The following PCDHGA6 variants were observed in gnomAD, a reference collection of about 807,000 sequenced individuals.
PCDHGA6 encodes the protein protocadherin gamma-A6.
PCDHGA6 carries 41 observed loss-of-function variants against 60.6 expected under a neutral mutation model. The ratio of observed to expected loss-of-function variants is 0.68; its 90% confidence interval spans 0.53 to 0.88. The LOEUF (loss-of-function observed/expected upper bound fraction) is 0.88, where lower values mean the gene tolerates loss of function less well. PCDHGA6 is among the 40% of genes least tolerant of loss of function. The probability of loss-of-function intolerance (pLI) is 0.00; values close to 1 mark genes in which losing one functional copy is unlikely to be tolerated. For missense variants in PCDHGA6, 1,312 were observed against 1,203.0 expected (o/e 1.09, Z -1.34); for synonymous variants, 594 against 524.4 (o/e 1.13, Z -1.81).
At position 141,431,035 on chromosome 5, in the gene PCDHGA6, G is replaced by C; in HGVS notation, c.2424+54528G>C. The C allele has an allele frequency of 6.2e-7, 1 of 1,614,186 alleles. No individual in the cohort carries two copies. Among genetic ancestry groups the C allele is most frequent in the South Asian group, 1.1e-5 (1 of 91,086 alleles). ...TGGTCACGGCGGGCAGGATAGACCG[G>C]GAGGAGCTCTGTATGGGGGCCATCA... On this transcript the variant is annotated intron_variant, in intron 1 of 3. Transcript: ENST00000517434. The surrounding 1 kb of genome is among the most constrained non-coding windows in gnomAD (Gnocchi z 4.8).
chr5:141,464,377 T>A (rs1410334231), intron 1 of PCDHGA6, among the ~76,000 whole-genome samples: 3 of 151,486 alleles, frequency 2.0e-5, no homozygotes, highest in Admixed American at 2.0e-4. Flanking sequence ...TTTTGCAATA[T>A]AAAAAATGCT....
intron 1 of PCDHGA6, chr5:141,433,292 C>A: frequency 9.2e-7 from 1 of 1,082,526 alleles, no homozygotes; most frequent in South Asian, 1.6e-5. Context: ...CTCCTAGGCT[C>A]AAGCAATTAT....
At position 141,423,722 on chromosome 5, in the gene PCDHGA6, G is replaced by A. The variant is rs541297269; in HGVS notation, c.2424+47215G>A. Reference sequence around the variant, plus strand: ...CTTGGCACAAGTCTTTTAAGGAGATGTTTTTTGAGCCTGTTATGAAAACTG... The same window carrying A: ...CTTGGCACAAGTCTTTTAAGGAGATATTTTTTGAGCCTGTTATGAAAACTG... On this transcript the variant is annotated intron_variant, in intron 1 of 3. Coordinates refer to ENST00000517434, the MANE Select transcript of PCDHGA6 (RefSeq NM_018919.3). 5 of 954,184 alleles carry A rather than the reference G, an allele frequency of 5.2e-6. No individual in the cohort carries two copies. In the African/African-American group the frequency reaches 6.3e-5, roughly 12 times the overall value. The allele number at this position is 954,184 out of a possible 1,614,324, so 59.1% of individuals were successfully genotyped here.
chr5:141,469,753 T>C (rs564585597), intron 1 of PCDHGA6, among the ~76,000 whole-genome samples: 1 of 152,322 alleles, frequency 6.6e-6, no homozygotes, highest in East Asian at 1.9e-4. Flanking sequence ...ATTACAAAAA[T>C]ACATATATAC....
chr5:141,376,066 C>A lies in PCDHGA6; in HGVS notation c.1983C>A (p.Thr661=). The stretch of plus-strand genomic sequence containing the variant: ...CTCTCTCCGCCACTGTCACGCTCAC[C>A]GTGGCCGTGGCCGACAGGATCCCCG... The part of the protein sequence containing the change: ...QPPLSATVTL[T]VAVADRIPDI... The change falls in exon 1 of 4, where the codon ACC becomes ACA. Residue 661 remains threonine, a synonymous_variant. Coordinates refer to ENST00000517434, the MANE Select transcript of PCDHGA6 (RefSeq NM_018919.3). 1 of 1,613,396 alleles carries A rather than the reference C, an allele frequency of 6.2e-7. No individual in the cohort carries two copies. Among genetic ancestry groups the A allele is most frequent in the Non-Finnish European group, 8.5e-7 (1 of 1,179,888 alleles).
chr5:141,485,625 G>A lies in PCDHGA6; in HGVS notation c.2425-9182G>A, dbSNP rs1458191111. On this transcript the variant is annotated intron_variant, in intron 1 of 3. Coordinates refer to ENST00000517434, the MANE Select transcript of PCDHGA6 (RefSeq NM_018919.3). This position sits in a 1 kb window ranked among gnomAD's most constrained non-coding sequence, Gnocchi z 5.7. ...GGGGAGGCAGCTCCTCCAGGACAGC[G>A]TTTCCCGTTGGAAAAGGCTCAGGAT... is the stretch of plus-strand genomic sequence containing the variant. The A allele has an allele frequency of 1.2e-6, 2 of 1,611,968 alleles. No homozygotes were observed. The highest frequency in any genetic ancestry group is 3.3e-5 in the Admixed American group (2 of 59,916).
Position 141,497,143 on chromosome 5 carries a change from G to GA in PCDHGA6, c.2483+2287dup, listed in dbSNP as rs928640875. ...AGAGGTTGCAGTGAGCTGAGATCAC[G>GA]AAAAAAAAATAATCTAGCCACAAAT... On this transcript the variant is annotated intron_variant, in intron 2 of 3. Coordinates refer to ENST00000517434, the MANE Select transcript of PCDHGA6 (RefSeq NM_018919.3). 1.3e-3 allele frequency among the ~76,000 whole-genome samples: 194 copies of GA among 150,104 alleles called. 4 individuals are homozygous for GA. The highest frequency in any genetic ancestry group is 7.6e-3 in the Admixed American group (115 of 15,100).
At position 141,485,430 on chromosome 5, in the gene PCDHGA6, T is replaced by C; in HGVS notation, c.2425-9377T>C. The C allele has an allele frequency of 6.2e-7, 1 of 1,614,138 alleles. No individual in the cohort carries two copies. Among genetic ancestry groups the C allele is most frequent in the Non-Finnish European group, 8.5e-7 (1 of 1,180,022 alleles). On this transcript the variant is annotated intron_variant, in intron 1 of 3. Transcript: ENST00000517434. The surrounding 1 kb of genome is among the most constrained non-coding windows in gnomAD (Gnocchi z 5.7). ...GATTTGGACAGCGGAGCCCTGCTCA[T>C]CAAGAACCCAATCGACCGAGAGGCA... is the stretch of plus-strand genomic sequence containing the variant.
chr5:141,511,373 G>T lies in PCDHGA6; in HGVS notation c.*200G>T. On this transcript the variant is annotated 3_prime_UTR_variant, in exon 4 of 4. Transcript: ENST00000517434. ...CCCCCAGGGGGTTGAATATGCAAAA[G>T]CAGTTCCGCTGGGAACCCCCATCCA... 8.0e-7 allele frequency: 1 copy of T among 1,251,332 alleles called. No homozygotes were observed. The highest frequency in any genetic ancestry group is 1.6e-5 in the South Asian group (1 of 63,796). The allele number at this position is 1,251,332 out of a possible 1,614,324, so 77.5% of individuals were successfully genotyped here.
rs375080564 is a variant in PCDHGA6 at position 141,486,676 on chromosome 5, T to C, written c.2425-8131T>C. On this transcript the variant is annotated intron_variant, in intron 1 of 3. Transcript: ENST00000517434. The surrounding 1 kb of genome is among the most constrained non-coding windows in gnomAD (Gnocchi z 5.0). ...CACTCCTGGAGCCCAGGAATCGAGA[T>C]GTATCAGCTTCCTCTTTCATCTCTC... The C allele has an allele frequency of 6.2e-7, 1 of 1,614,120 alleles. No homozygotes were observed. The highest frequency in any genetic ancestry group is 1.7e-5 in the Admixed American group (1 of 60,032).
rs749044339 is a variant in PCDHGA6, at chr5:141,477,410, G to A, written c.2425-17397G>A. On this transcript the variant is annotated intron_variant, in intron 1 of 3. Coordinates refer to ENST00000517434, the MANE Select transcript of PCDHGA6 (RefSeq NM_018919.3). This position sits in a 1 kb window ranked among gnomAD's most constrained non-coding sequence, Gnocchi z 4.9. ...CAACCTCAGCATCACCGCCCGAGAC[G>A]CCGGAACCCCTTCCCTCTCAGCCCT... 66 of 1,613,988 alleles carry A rather than the reference G, an allele frequency of 4.1e-5. 1 individual carries two copies. The South Asian group carries it at 7.0e-4, about 17-fold the overall frequency.
At position 141,375,002 on chromosome 5, in the gene PCDHGA6, CTAGACTAT is replaced by C. The variant is rs1771028356; in HGVS notation, c.920_927del (p.Leu307ArgfsTer7). On this transcript the variant is annotated frameshift_variant, in exon 1 of 4. Transcript: ENST00000517434. LOFTEE classifies it high-confidence loss of function. ...TGGAGAAATTTCAACTTCTGCAAAT[CTAGACTAT>C]GAGGACTCGAGTTTTTATGAGCTGG... is the stretch of plus-strand genomic sequence containing the variant. The C allele has an allele frequency of 6.2e-7, 1 of 1,613,890 alleles. No homozygotes were observed. The highest frequency in any genetic ancestry group is 8.5e-7 in the Non-Finnish European group (1 of 1,179,902).
intron 1 of PCDHGA6, chr5:141,415,772 T>TA (rs763083459): frequency 1.1e-5 from 15 of 1,332,970 alleles, no homozygotes; most frequent in Non-Finnish European, 1.3e-5. Flanking sequence ...TTTTTTTTTT[T>TA]ACTTTCTGGT....
Position 141,431,634 on chromosome 5 carries a change from T to C in PCDHGA6, c.2424+55127T>C. 2.5e-6 allele frequency: 4 copies of C among 1,614,238 alleles called. No homozygotes were observed. Among genetic ancestry groups the C allele is most frequent in the Non-Finnish European group, 3.4e-6 (4 of 1,180,044 alleles). ...GTGGACGACAAGGCGGCCCAAGTTTTCAAACTAGATTGTAATTCAGGGACA... is the reference window on the plus strand; with the variant it reads ...GTGGACGACAAGGCGGCCCAAGTTTCCAAACTAGATTGTAATTCAGGGACA... On this transcript the variant is annotated intron_variant, in intron 1 of 3. Coordinates refer to ENST00000517434, the MANE Select transcript of PCDHGA6 (RefSeq NM_018919.3). The surrounding 1 kb of genome is among the most constrained non-coding windows in gnomAD (Gnocchi z 4.8).
intron 1 of PCDHGA6, among the ~76,000 whole-genome samples, chr5:141,387,391 A>T (rs1029358024): frequency 4.6e-5 from 7 of 152,220 alleles, no homozygotes; most frequent in Non-Finnish European, 1.0e-4. Context: ...TAGATAGTGC[A>T]TGTTTGAAGA....
rs756294828 is a variant in PCDHGA6, at chr5:141,417,904, G to A, written c.2424+41397G>A. 2.5e-6 allele frequency: 4 copies of A among 1,591,934 alleles called. No homozygotes were observed. The South Asian group carries it at 3.4e-5, about 13-fold the overall frequency. On this transcript the variant is annotated intron_variant, in intron 1 of 3. Transcript: ENST00000517434. Reference sequence around the variant, plus strand: ...AGAGGCGCCGGGCCGGCCCGCGGCAGGTACTATTTCCTTTGCTGCTGCCTT... The same window carrying A: ...AGAGGCGCCGGGCCGGCCCGCGGCAAGTACTATTTCCTTTGCTGCTGCCTT...
At chr5:141,427,712 C>CCTGG (rs1319672065) in intron 1 of PCDHGA6, 7 of 1,051,350 alleles carry the variant, frequency 6.7e-6, no homozygotes, top group Non-Finnish European at 1.0e-5. Context: ...GCGCCTCTGA[C>CCTGG]CTGGACCTAG....
intron 1 of PCDHGA6, chr5:141,422,936 C>T: frequency 6.2e-7 from 1 of 1,614,260 alleles, no homozygotes; most frequent in Non-Finnish European, 8.5e-7. Flanking sequence ...GCCCTCCCCA[C>T]AGACGGCTCC....
chr5:141,454,691 C>T (rs745856768), intron 1 of PCDHGA6, among the ~76,000 whole-genome samples: 5 of 152,038 alleles, frequency 3.3e-5, no homozygotes, highest in Non-Finnish European at 5.9e-5. Flanking sequence ...CAGGCATGAG[C>T]CACCATGCTC....
Sources: allele counts gnomAD v4.1 joint callset (sites outside exome capture counted in the v4.1 genomes callset), GRCh38; gene constraint gnomAD v4.1.1; non-coding constraint Gnocchi (gnomAD v3.1); transcripts MANE v1.5; gene names NCBI Gene and HGNC (gene_info 2026-07-23, HGNC 2026-07-21).